Variants in IQSEC1 observed in about 807,000 individuals in gnomAD.
IQSEC1 encodes IQ motif and SEC7 domain-containing protein 1.
A neutral mutation model predicts 91.0 loss-of-function variants in IQSEC1; 31 were observed. The observed-to-expected ratio is 0.34, with a 90% CI of 0.26 to 0.46. The LOEUF is 0.46. Among genes scored for constraint, IQSEC1 ranks in the 20% least tolerant of loss-of-function variants. The pLI is 1.00. For missense variants in IQSEC1, 1,388 were observed against 1,575.6 expected (o/e 0.88, Z 2.02); for synonymous variants, 699 against 662.6 (o/e 1.05, Z -0.84).
At chr3:13,240,642 C>T (rs1033686418) in intron 1 of IQSEC1, among the ~76,000 whole-genome samples, 33 of 152,310 alleles carry the variant, frequency 2.2e-4, no homozygotes, top group African/African-American at 7.2e-4. Flanking sequence ...CAATCCCCCT[C>T]CCACAGAACA....
At chr3:13,238,748 T>C (rs960275367) in intron 1 of IQSEC1, among the ~76,000 whole-genome samples, 2 of 152,138 alleles carry the variant, frequency 1.3e-5, no homozygotes, top group African/African-American at 4.8e-5. Flanking sequence ...AGTTTCCCCA[T>C]GTCCTTGAGG....
intron 1 of IQSEC1, among the ~76,000 whole-genome samples, chr3:13,210,111 T>C (rs1417698543): frequency 1.3e-5 from 2 of 152,080 alleles, no homozygotes; most frequent in Non-Finnish European, 2.9e-5. Flanking sequence ...AGGGAGTTAG[T>C]GGGGAGGCAG....
At chr3:13,262,920 G>C (rs1695414094) in intron 1 of IQSEC1, among the ~76,000 whole-genome samples, 1 of 152,100 alleles carries the variant, frequency 6.6e-6, no homozygotes, top group African/African-American at 2.4e-5. Context: ...TTTAACAGGG[G>C]CAGAGTTTCA....
At chr3:12,917,547 T>G (rs529773932) in intron 6 of IQSEC1, among the ~76,000 whole-genome samples, 118 of 152,342 alleles carry the variant, frequency 7.7e-4, no homozygotes, top group Non-Finnish European at 1.1e-3. Context: ...CACTTAAGTT[T>G]CCTCCACATC....
At chr3:13,084,447 G>A (rs1469192648) in intron 2 of IQSEC1, among the ~76,000 whole-genome samples, 5 of 152,222 alleles carry the variant, frequency 3.3e-5, no homozygotes, top group Non-Finnish European at 5.9e-5. Context: ...CACCTACTGT[G>A]TGCCAGACAG....
intron 1 of IQSEC1, among the ~76,000 whole-genome samples, chr3:13,275,963 C>A (rs1695670077): frequency 6.6e-6 from 1 of 152,190 alleles, no homozygotes; most frequent in Admixed American, 6.5e-5. Flanking sequence ...TATTCCAAAA[C>A]CTTCATTGCA....
Position 13,161,710 on chromosome 3 carries a change from C to A in IQSEC1, c.302+2394G>T, listed in dbSNP as rs150268462. On this transcript the variant is annotated intron_variant, in intron 2 of 15. Coordinates refer to the IQSEC1 transcript ENST00000648114. ...TCAGCAACACTGTCTACTGCGATGTCCACACGGCAGGGCATTTTGGGGCTG... is the reference window on the plus strand; with the variant it reads ...TCAGCAACACTGTCTACTGCGATGTACACACGGCAGGGCATTTTGGGGCTG... 3.9e-5 allele frequency among the ~76,000 whole-genome samples: 6 copies of A among 152,342 alleles called. No homozygotes were observed. In the East Asian group the frequency reaches 1.2e-3, roughly 29 times the overall value.
intron 2 of IQSEC1, among the ~76,000 whole-genome samples, chr3:13,143,739 G>A (rs1228912495): frequency 1.3e-5 from 2 of 152,166 alleles, no homozygotes; most frequent in Non-Finnish European, 2.9e-5. Flanking sequence ...CACTTTTGAA[G>A]GGAACCAGTC....
At position 12,967,576 on chromosome 3, in the gene IQSEC1, CCG is replaced by C. The variant is rs1700667314; in HGVS notation, c.24-25713_24-25712del. Reference sequence around the variant, plus strand: ...CCCGGCCACCCGGAGACCCGACCACCCGCCACGCGATCACGTCGGGGCTCCTG... The same window carrying C: ...CCCGGCCACCCGGAGACCCGACCACCCCACGCGATCACGTCGGGGCTCCTG... On this transcript the variant is annotated intron_variant, in intron 1 of 13. Coordinates refer to ENST00000613206, the MANE Select transcript of IQSEC1 (RefSeq NM_001134382.3). The surrounding 1 kb of genome is among the most constrained non-coding windows in gnomAD (Gnocchi z 5.9). 1 of 1,324,622 alleles carries C rather than the reference CCG, an allele frequency of 7.5e-7. No homozygotes were observed. Among genetic ancestry groups the C allele is most frequent in the African/African-American group, 1.6e-5 (1 of 64,420 alleles). The allele number at this position is 1,324,622 out of a possible 1,614,324, so 82.1% of individuals were successfully genotyped here.
In IQSEC1 at chr3:13,161,900, G is replaced by A. The variant is rs374016371; in HGVS notation, c.302+2204C>T. 4.6e-4 allele frequency among the ~76,000 whole-genome samples: 70 copies of A among 152,318 alleles called. No homozygotes were observed. The South Asian group carries it at 0.013, about 29-fold the overall frequency. ...TGTGCCAGTCCCCCTGCAACGCAGA[G>A]GCCATTCCTCATTCTCCCCAGGCAG... On this transcript the variant is annotated intron_variant, in intron 2 of 15. Transcript: ENST00000648114.
chr3:13,142,590 C>T (rs1206144650), intron 2 of IQSEC1, among the ~76,000 whole-genome samples: 1 of 152,236 alleles, frequency 6.6e-6, no homozygotes, highest in Non-Finnish European at 1.5e-5. Context: ...CTACAAACTA[C>T]AGCCTGTAGG....
At chr3:13,245,822 C>T (rs933365242) in intron 1 of IQSEC1, among the ~76,000 whole-genome samples, 6 of 151,336 alleles carry the variant, frequency 4.0e-5, no homozygotes, top group South Asian at 2.1e-4. Context: ...GAAGCCGTTT[C>T]GCAATCACCC....
intron 1 of IQSEC1, among the ~76,000 whole-genome samples, chr3:13,175,202 C>T (rs1009245947): frequency 8.5e-5 from 13 of 152,262 alleles, no homozygotes; most frequent in South Asian, 2.1e-4. Flanking sequence ...AGCTGTGTGC[C>T]GAGTACCAGC....
Position 12,897,457 on chromosome 3 carries a change from A to G in IQSEC1, c.*3526T>C, listed in dbSNP as rs1036271099. On this transcript the variant is annotated 3_prime_UTR_variant, in exon 14 of 14. Transcript: ENST00000613206. ...GCTTAAAACAACTCGGAGGCAAAAG[A>G]TATTTTCCAAGAGGAGATGCATGCT... is the stretch of plus-strand genomic sequence containing the variant. 1 of 152,180 alleles carries G rather than the reference A, an allele frequency of 6.6e-6. No individual in the cohort carries two copies. Among genetic ancestry groups the G allele is most frequent in the Non-Finnish European group, 1.5e-5 (1 of 68,046 alleles). 9.4% of individuals were successfully genotyped at this position (152,180 alleles called of 1,614,324 possible).
chr3:13,113,956 G>A (rs920573962), intron 2 of IQSEC1, among the ~76,000 whole-genome samples: 11 of 152,248 alleles, frequency 7.2e-5, no homozygotes, highest in African/African-American at 2.2e-4. Context: ...CGTGCTGGGA[G>A]CACAGAGCCA....
In IQSEC1 at chr3:12,901,369, G is replaced by T; in HGVS notation, c.2959C>A (p.Pro987Thr). 1 of 1,537,944 alleles carries T rather than the reference G, an allele frequency of 6.5e-7. No homozygotes were observed. Among genetic ancestry groups the T allele is most frequent in the Non-Finnish European group, 8.8e-7 (1 of 1,142,296 alleles). ...GGGGGTGGCAGGGCTGGGGCTGAGG[G>T]CAGGTGGGCCTGGGGAGGGGGCTTC... ...RGKPPPQAHL[P>T]SAPALPPPHP... Residue 987 changes from proline to threonine, a missense_variant, in exon 14 of 14, where the codon CCC becomes ACC. Pro to Thr is a conservative substitution (Grantham distance 38, BLOSUM62 -1). Coordinates refer to ENST00000613206, the MANE Select transcript of IQSEC1 (RefSeq NM_001134382.3).
At chr3:13,172,869 T>A (rs952627224) in intron 1 of IQSEC1, among the ~76,000 whole-genome samples, 1 of 152,152 alleles carries the variant, frequency 6.6e-6, no homozygotes, top group East Asian at 1.9e-4. Flanking sequence ...GGCCTCAGTG[T>A]TCCCCCCTGT....
At chr3:13,043,714 T>G (rs780315789) in intron 1 of IQSEC1, among the ~76,000 whole-genome samples, 17 of 152,244 alleles carry the variant, frequency 1.1e-4, no homozygotes, top group Non-Finnish European at 2.2e-4. Context: ...GCCGGCCCAC[T>G]GGAGGAGCCT....
chr3:13,068,218 C>G (rs1047236120), intron 1 of IQSEC1, among the ~76,000 whole-genome samples: 21 of 152,362 alleles, frequency 1.4e-4, no homozygotes, highest in African/African-American at 4.3e-4. Context: ...ACCTGTCCTT[C>G]ACGGATCCTT....
Sources: gnomAD v4.1 joint callset for allele counts (sites outside exome capture counted in the v4.1 genomes callset) on GRCh38, gnomAD v4.1.1 for gene constraint, Gnocchi (gnomAD v3.1) non-coding constraint, MANE v1.5 for transcripts, NCBI Gene and HGNC (gene_info 2026-07-23, HGNC 2026-07-21) for gene names.